OTUD7A: variants seen among roughly 807,000 people sequenced by gnomAD.
The protein encoded by OTUD7A is OTU deubiquitinase 7A.
In OTUD7A, 12 loss-of-function variants were observed where a neutral mutation model predicts 65.7. That is an observed-to-expected ratio of 0.18 (90% CI 0.12 to 0.30). The LOEUF (loss-of-function observed/expected upper bound fraction) is 0.30, where lower values mean the gene tolerates loss of function less well. OTUD7A is among the 10% of genes least tolerant of loss of function. The pLI, the probability that OTUD7A is intolerant of heterozygous loss-of-function variation, is 1.00. For synonymous variants in OTUD7A, 641 were observed against 586.3 expected (o/e 1.09, Z -1.35); for missense variants, 1,148 against 1,304.8 (o/e 0.88, Z 1.85).
chr15:31,818,163 A>C (rs66787307), intron 1 of OTUD7A, among the ~76,000 whole-genome samples: 19,469 of 152,232 alleles, frequency 0.13, 1,632 homozygotes, highest in East Asian at 0.47. Context: ...TCGGACTCCC[A>C]AACTGTGAGA....
At chr15:31,782,868 G>A (rs758764343) in intron 1 of OTUD7A, among the ~76,000 whole-genome samples, 3 of 152,172 alleles carry the variant, frequency 2.0e-5, no homozygotes, top group African/African-American at 4.8e-5. Flanking sequence ...GGAAACCATG[G>A]AGACATCAAC....
chr15:31,553,409 G>A (rs1489833065), intron 5 of OTUD7A, among the ~76,000 whole-genome samples: 2 of 152,060 alleles, frequency 1.3e-5, no homozygotes, highest in African/African-American at 2.4e-5. Context: ...AGGGTCCTAC[G>A]AGGAGCTCAC....
chr15:31,746,497 G>A (rs1396435739), intron 1 of OTUD7A, among the ~76,000 whole-genome samples: 2 of 131,498 alleles, frequency 1.5e-5, no homozygotes, highest in African/African-American at 5.5e-5. Context: ...CTCCATAGTA[G>A]TTTTTACATA....
At chr15:31,563,688 CCTAA>C (rs1021514036) in intron 4 of OTUD7A, among the ~76,000 whole-genome samples, 4 of 152,228 alleles carry the variant, frequency 2.6e-5, no homozygotes, top group Non-Finnish European at 4.4e-5. Flanking sequence ...CCCTCCTTTC[CCTAA>C]CACACTGGGG....
intron 3 of OTUD7A, among the ~76,000 whole-genome samples, chr15:31,615,292 C>T (rs1485746937): frequency 6.6e-6 from 1 of 152,120 alleles, no homozygotes; most frequent in South Asian, 2.1e-4. Context: ...AAAAATATAT[C>T]ATGCAAACAC....
At chr15:31,848,801 A>G (rs1897350102) in intron 1 of OTUD7A, among the ~76,000 whole-genome samples, 1 of 152,240 alleles carries the variant, frequency 6.6e-6, no homozygotes, top group South Asian at 2.1e-4. Flanking sequence ...CTCCAACAGT[A>G]GCTCAGCACT....
At chr15:31,717,097 A>C (rs1893608994) in intron 1 of OTUD7A, among the ~76,000 whole-genome samples, 1 of 152,190 alleles carries the variant, frequency 6.6e-6, no homozygotes, top group Non-Finnish European at 1.5e-5. Context: ...GATACTATTC[A>C]GGTTTCATCC....
At chr15:31,597,227 C>T (rs1566936781) in intron 3 of OTUD7A, among the ~76,000 whole-genome samples, 2 of 152,076 alleles carry the variant, frequency 1.3e-5, no homozygotes, top group Non-Finnish European at 2.9e-5. Flanking sequence ...TGTACCCAGC[C>T]TATTTATTTT....
At chr15:31,511,334 CAT>C (rs1188515142) in intron 8 of OTUD7A, among the ~76,000 whole-genome samples, 2 of 4,556 alleles carry the variant, frequency 4.4e-4, no homozygotes, top group Non-Finnish European at 3.1e-4. Flanking sequence ...ATGTAACACA[CAT>C]ATATATGTAT....
At chr15:31,739,101 G>T (rs1007731213) in intron 1 of OTUD7A, among the ~76,000 whole-genome samples, 5 of 152,148 alleles carry the variant, frequency 3.3e-5, no homozygotes, top group African/African-American at 1.2e-4. Context: ...CTGGATGTGG[G>T]TCTGGGACTG....
chr15:31,605,782 C>T (rs1890222014), intron 3 of OTUD7A, among the ~76,000 whole-genome samples: 1 of 152,226 alleles, frequency 6.6e-6, no homozygotes, highest in Non-Finnish European at 1.5e-5. Context: ...TACAGTGCTG[C>T]ATGCAAAAGC....
chr15:31,811,974 C>A (rs909559132), intron 1 of OTUD7A, among the ~76,000 whole-genome samples: 3 of 152,228 alleles, frequency 2.0e-5, no homozygotes, highest in African/African-American at 7.2e-5. Flanking sequence ...TGAGAGAGGA[C>A]TGAGGCTGCG....
At chr15:31,769,468 T>C (rs903582342) in intron 1 of OTUD7A, among the ~76,000 whole-genome samples, 2 of 152,240 alleles carry the variant, frequency 1.3e-5, no homozygotes, top group Non-Finnish European at 2.9e-5. Context: ...TAGATACTTA[T>C]TCTAGGGAAA....
chr15:31,495,529 T>C (rs2041370932), intron 10 of OTUD7A, among the ~76,000 whole-genome samples: 1 of 152,116 alleles, frequency 6.6e-6, no homozygotes, highest in African/African-American at 2.4e-5. Context: ...CTCTCACCCC[T>C]TAGCCAGGGG....
chr15:31,488,072 G>T (rs1284827480), intron 10 of OTUD7A, among the ~76,000 whole-genome samples: 1 of 152,132 alleles, frequency 6.6e-6, no homozygotes, highest in Non-Finnish European at 1.5e-5. Context: ...ACCCGCCCCT[G>T]CCCGTGGGAA....
rs547403443 is a variant in OTUD7A, at chr15:31,531,967, G to A, written c.551-1159C>T. Among the ~76,000 whole-genome samples, 10 of 152,294 alleles carry A rather than the reference G, an allele frequency of 6.6e-5. No individual in the cohort carries two copies. The South Asian group carries it at 1.7e-3, about 25-fold the overall frequency. On this transcript the variant is annotated intron_variant, in intron 5 of 12. Coordinates refer to ENST00000307050, the MANE Select transcript of OTUD7A (RefSeq NM_001382637.1). ...CAAGCCCATTCCCCAGGTATCAACA[G>A]GGGCAGAGGGGGAACCTGTACTTCA...
chr15:31,818,034 A>G (rs892505274), intron 1 of OTUD7A, among the ~76,000 whole-genome samples: 1 of 152,200 alleles, frequency 6.6e-6, no homozygotes, highest in African/African-American at 2.4e-5. Flanking sequence ...TGTCACGTTC[A>G]TCCCGTTTGC....
At chr15:31,736,900 C>A (rs1254915305) in intron 1 of OTUD7A, among the ~76,000 whole-genome samples, 1 of 152,092 alleles carries the variant, frequency 6.6e-6, no homozygotes, top group African/African-American at 2.4e-5. Flanking sequence ...TGGCTCACTA[C>A]AACCTCCACC....
chr15:31,548,253 A>T (rs142091956), intron 5 of OTUD7A, among the ~76,000 whole-genome samples: 3 of 150,386 alleles, frequency 2.0e-5, no homozygotes, highest in African/African-American at 7.3e-5. Flanking sequence ...CCTCTGTCAG[A>T]TGTTCCTGCG....
Sources: gnomAD v4.1 joint callset for allele counts (sites outside exome capture counted in the v4.1 genomes callset) on GRCh38, gnomAD v4.1.1 for gene constraint, MANE v1.5 for transcripts, NCBI Gene and HGNC (gene_info 2026-07-23, HGNC 2026-07-21) for gene names.